The following HIVEP3 variants were observed in gnomAD, a reference collection of about 807,000 sequenced individuals.
HIVEP3 encodes transcription factor HIVEP3.
Under a neutral mutation model 152.8 loss-of-function variants are expected in HIVEP3, and 49 were observed. That is an observed-to-expected ratio of 0.32 (90% CI 0.26 to 0.41). The LOEUF (loss-of-function observed/expected upper bound fraction) is 0.41. HIVEP3 is among the 10% of genes least tolerant of loss of function. The pLI is 1.00. For missense variants in HIVEP3, 2,790 were observed against 3,103.3 expected, an observed-to-expected ratio of 0.90 and a Z score of 2.40; for synonymous variants, 1,269 against 1,289.0, an observed-to-expected ratio of 0.98 and a Z score of 0.33.
chr1:42,031,123 C>T (rs1332743703), intron 1 of HIVEP3, among the ~76,000 whole-genome samples: 4 of 152,100 alleles, frequency 2.6e-5, no homozygotes, highest in Admixed American at 2.6e-4. Context: ...TGAAAAATTC[C>T]CTAGAACTTT....
At chr1:41,746,770 T>C (rs4660561) in intron 1 of HIVEP3, among the ~76,000 whole-genome samples, 60,017 of 152,052 alleles carry the variant, frequency 0.39, 12,008 homozygotes, top group East Asian at 0.47. Flanking sequence ...GCCTGACCTC[T>C]TGGCCTCAAT....
chr1:41,527,400 C>CT (rs1643018828), intron 5 of HIVEP3, among the ~76,000 whole-genome samples: 2 of 144,286 alleles, frequency 1.4e-5, no homozygotes, highest in Non-Finnish European at 1.5e-5. Context: ...ACACTCCACA[C>CT]CCTGCCCTCA....
intron 5 of HIVEP3, among the ~76,000 whole-genome samples, chr1:41,527,083 C>G (rs1642981026): frequency 7.9e-6 from 1 of 127,038 alleles, no homozygotes; most frequent in Non-Finnish European, 1.7e-5. Flanking sequence ...CATCCTCACA[C>G]ACACCCACAC....
At chr1:41,600,380 CTTCT>C (rs1161888156) in intron 3 of HIVEP3, among the ~76,000 whole-genome samples, 5 of 152,160 alleles carry the variant, frequency 3.3e-5, no homozygotes, top group South Asian at 2.1e-4. Context: ...TCAGAATTTC[CTTCT>C]TTAAGACGGA....
At chr1:41,635,878 T>G (rs545609717) in intron 2 of HIVEP3, among the ~76,000 whole-genome samples, 7 of 152,050 alleles carry the variant, frequency 4.6e-5, no homozygotes, top group African/African-American at 1.7e-4. Context: ...AAAGTATAAA[T>G]TGTAAAACTG....
chr1:41,771,532 C>A (rs1648369641), intron 1 of HIVEP3, among the ~76,000 whole-genome samples: 1 of 152,196 alleles, frequency 6.6e-6, no homozygotes, highest in East Asian at 1.9e-4. Flanking sequence ...CGCGTGTCTA[C>A]CCCTCCTTGC....
intron 5 of HIVEP3, among the ~76,000 whole-genome samples, chr1:41,557,496 G>A (rs1043002264): frequency 2.6e-5 from 4 of 152,186 alleles, no homozygotes; most frequent in African/African-American, 9.7e-5. Flanking sequence ...ATGGGGTAGG[G>A]GCACCTGCAC....
At chr1:41,778,309 T>C (rs778679742) in intron 1 of HIVEP3, among the ~76,000 whole-genome samples, 6 of 152,186 alleles carry the variant, frequency 3.9e-5, no homozygotes, top group African/African-American at 7.2e-5. Flanking sequence ...TCTCTTGTAG[T>C]AGTGCAGAAA....
intron 5 of HIVEP3, among the ~76,000 whole-genome samples, chr1:41,574,630 T>C (rs1262755034): frequency 6.6e-6 from 1 of 152,094 alleles, no homozygotes; most frequent in Non-Finnish European, 1.5e-5. Flanking sequence ...TGCTAGAGGA[T>C]CAGAGGCCCC....
chr1:41,581,488 G>C lies in HIVEP3; in HGVS notation c.3310C>G (p.Pro1104Ala). ...CCCAATGGGGGCCTGTCCTGCCCTG[G>C]GCCCTTGCCTCCCGGGGGTCCACCA... ...SHGGPPGGKG[P>A]GQDRPPLGPT... The change falls in exon 4 of 9, where the codon CCA (proline) becomes GCA (alanine). Residue 1104 changes from proline to alanine, a missense_variant. Physicochemically the swap from Pro to Ala is conservative, Grantham distance 27. Coordinates refer to ENST00000372583, the MANE Select transcript of HIVEP3 (RefSeq NM_024503.5). The surrounding 1 kb of genome is among the most constrained non-coding windows in gnomAD (Gnocchi z 4.5). 6.3e-7 allele frequency: 1 copy of C among 1,574,900 alleles called. No homozygotes were observed. The highest frequency in any genetic ancestry group is 8.6e-7 in the Non-Finnish European group (1 of 1,161,458).
At chr1:41,960,716 C>T (rs1037637550) in intron 1 of HIVEP3, among the ~76,000 whole-genome samples, 2 of 152,128 alleles carry the variant, frequency 1.3e-5, no homozygotes, top group Non-Finnish European at 1.5e-5. Context: ...TTCTAGGTGC[C>T]CAAGCAGGAT....
At chr1:41,814,253 A>G (rs1279041822) in intron 1 of HIVEP3, among the ~76,000 whole-genome samples, 1 of 152,172 alleles carries the variant, frequency 6.6e-6, no homozygotes, top group Admixed American at 6.5e-5. Flanking sequence ...CTCAGCAGAC[A>G]TTTATCTGGC....
intron 1 of HIVEP3, among the ~76,000 whole-genome samples, chr1:42,005,653 T>A (rs759614048): frequency 8.5e-5 from 13 of 152,164 alleles, no homozygotes; most frequent in Non-Finnish European, 1.5e-4. Context: ...GATAACCTTG[T>A]TTTGCAACCA....
intron 1 of HIVEP3, among the ~76,000 whole-genome samples, chr1:41,740,903 G>C (rs547805296): frequency 6.6e-6 from 1 of 152,368 alleles, no homozygotes; most frequent in East Asian, 1.9e-4. Context: ...GGGAGGAACA[G>C]GGACAGCTGG....
chr1:41,583,785 G>A lies in HIVEP3; in HGVS notation c.1013C>T (p.Pro338Leu). 6.3e-7 allele frequency: 1 copy of A among 1,590,820 alleles called. No homozygotes were observed. Among genetic ancestry groups the A allele is most frequent in the Non-Finnish European group, 8.6e-7 (1 of 1,167,930 alleles). The change falls in exon 4 of 9, where the codon CCC (proline) becomes CTC (leucine). Residue 338 changes from proline to leucine, a missense_variant. Around this residue, in one of 9 missense-constraint regions of HIVEP3, gnomAD observed 125 missense variants for 130.1 expected, o/e 0.96. Transcript: ENST00000372583. This position sits in a 1 kb window ranked among gnomAD's most constrained non-coding sequence, Gnocchi z 6.9. The stretch of plus-strand genomic sequence containing the variant: ...AGATGAGGGTTCCACAAATGGAGGG[G>A]GGTCTTCGAGTGACTGGGCTGTGCT... ...QSSTAQSLED[P>L]PPFVEPSSEH...
intron 1 of HIVEP3, among the ~76,000 whole-genome samples, chr1:41,884,040 A>C (rs1297980812): frequency 6.6e-6 from 1 of 152,198 alleles, no homozygotes; most frequent in Non-Finnish European, 1.5e-5. Flanking sequence ...ATCTTGGCTC[A>C]CTGCAACCTC....
intron 5 of HIVEP3, among the ~76,000 whole-genome samples, chr1:41,553,640 G>A (rs1449142350): frequency 1.3e-5 from 2 of 152,212 alleles, no homozygotes; most frequent in Non-Finnish European, 2.9e-5. Flanking sequence ...GCTGGTACTG[G>A]TTGTTCCTTT....
intron 2 of HIVEP3, among the ~76,000 whole-genome samples, chr1:41,693,183 C>A (rs962328482): frequency 4.6e-5 from 7 of 152,156 alleles, no homozygotes; most frequent in Non-Finnish European, 1.0e-4. Context: ...CACACATAAA[C>A]CTTGGGCACT....
chr1:41,949,015 A>G (rs10789411), intron 1 of HIVEP3, among the ~76,000 whole-genome samples: 68,355 of 151,768 alleles, frequency 0.45, 16,449 homozygotes, highest in East Asian at 0.71. Flanking sequence ...CTCAAACCTC[A>G]CCTGTGTAAA....
Sources: allele counts gnomAD v4.1 joint callset (sites outside exome capture counted in the v4.1 genomes callset), GRCh38; gene constraint gnomAD v4.1.1; regional missense constraint gnomAD v4.1.1; non-coding constraint Gnocchi (gnomAD v3.1); transcripts MANE v1.5; gene names NCBI Gene and HGNC (gene_info 2026-07-23, HGNC 2026-07-21).